POLQ: variants seen among roughly 807,000 people sequenced by gnomAD.
POLQ encodes DNA polymerase theta.
Under a neutral mutation model 259.2 loss-of-function variants are expected in POLQ, and 233 were observed. The observed-to-expected ratio is 0.90, with a 90% CI of 0.81 to 1.00. The LOEUF (loss-of-function observed/expected upper bound fraction) is 1.00. Among genes scored for constraint, POLQ ranks in the 50% least tolerant of loss-of-function variants. The pLI is 0.00. For missense variants in POLQ, 2,871 were observed against 3,051.6 expected (o/e 0.94, Z 1.39); for synonymous variants, 1,025 against 1,048.8 (o/e 0.98, Z 0.44).
chr3:121,489,670 C>A lies in POLQ; in HGVS notation c.3261G>T (p.Lys1087Asn), dbSNP rs1487294187. The change falls in exon 16 of 30, where the codon AAG becomes AAT. Residue 1087 changes from lysine to asparagine, a missense_variant. This residue lies in a region of POLQ where 2,080 missense variants were observed against 2,126.0 expected (regional missense o/e 0.98). Transcript: ENST00000264233. ...GCCCTGAATTTCTAAATTCCGTTTTCTTCTCATCTAAGGTAAACGGGTCTT... is the reference window on the plus strand; with the variant it reads ...GCCCTGAATTTCTAAATTCCGTTTTATTCTCATCTAAGGTAAACGGGTCTT... Reference protein sequence around the residue: ...LCEDPFTLDEKKTEFRNSGPF... With the variant: ...LCEDPFTLDENKTEFRNSGPF... 2 of 1,614,006 alleles carry A rather than the reference C, an allele frequency of 1.2e-6. No individual in the cohort carries two copies. Among genetic ancestry groups the A allele is most frequent in the African/African-American group, 2.7e-5 (2 of 75,054 alleles).
intron 9 of POLQ, among the ~76,000 whole-genome samples, chr3:121,518,787 C>A (rs1433026973): frequency 6.6e-6 from 1 of 151,130 alleles, no homozygotes; most frequent in African/African-American, 2.4e-5. Flanking sequence ...TAATAAAATA[C>A]TGGAGTCAAT....
chr3:121,469,234 T>G (rs574944867), intron 22 of POLQ, among the ~76,000 whole-genome samples: 1 of 151,850 alleles, frequency 6.6e-6, no homozygotes, highest in Admixed American at 6.6e-5. Context: ...TCCAAATATA[T>G]TTTACATCTT....
In POLQ at chr3:121,545,862, G is replaced by C. The variant is rs55943551; in HGVS notation, c.16C>G (p.Arg6Gly). The change falls in exon 1 of 30, where the codon CGG (arginine) becomes GGG (glycine). Residue 6 changes from arginine (R) to glycine (G), a missense_variant. Arg to Gly is a moderately radical substitution (Grantham distance 125). Coordinates refer to ENST00000264233, the MANE Select transcript of POLQ (RefSeq NM_199420.4). MNLLR[R>G]SGKRRRSESG... Reference sequence around the variant, plus strand: ...TCTGAACGCCGCCGTTTCCCACTCCGACGCAGAAGATTCATGGCAAACTCT... The same window carrying C: ...TCTGAACGCCGCCGTTTCCCACTCCCACGCAGAAGATTCATGGCAAACTCT... The C allele has an allele frequency of 1.9e-4, 299 of 1,613,912 alleles. No individual in the cohort carries two copies. In the East Asian group the frequency reaches 5.8e-3, roughly 31 times the overall value.
At chr3:121,510,934 A>G (rs916378984) in intron 10 of POLQ, among the ~76,000 whole-genome samples, 1 of 151,276 alleles carries the variant, frequency 6.6e-6, no homozygotes, top group Admixed American at 6.6e-5. Flanking sequence ...AAATACAAAA[A>G]TTAACTGGGT....
chr3:121,500,006 C>T lies in POLQ; in HGVS notation c.1960-1336G>A, dbSNP rs988329421. Among the ~76,000 whole-genome samples, 3 of 152,128 alleles carry T rather than the reference C, an allele frequency of 2.0e-5. No homozygotes were observed. In the East Asian group the frequency reaches 5.8e-4, roughly 29 times the overall value. ...GTTAAAAGTACAATAACTGGCCAGG[C>T]ACAGTGGCTCATGCCTATAAAGCCA... On this transcript the variant is annotated intron_variant, in intron 12 of 29. Coordinates refer to ENST00000264233, the MANE Select transcript of POLQ (RefSeq NM_199420.4).
At chr3:121,442,921 G>A (rs577995694) in intron 26 of POLQ, among the ~76,000 whole-genome samples, 36 of 152,186 alleles carry the variant, frequency 2.4e-4, no homozygotes, top group Non-Finnish European at 4.0e-4. Context: ...GTGCAGTGGC[G>A]TGACCTCAGC....
chr3:121,498,215 C>T (rs924430032), intron 13 of POLQ, among the ~76,000 whole-genome samples: 16 of 151,822 alleles, frequency 1.1e-4, no homozygotes, highest in African/African-American at 3.9e-4. Flanking sequence ...GAGGCTGAGG[C>T]AGCAGAATCG....
intron 25 of POLQ, 128 bp downstream of exon 25, chr3:121,459,922 G>T (rs1265531613): frequency 1.4e-6 from 1 of 706,808 alleles, no homozygotes; most frequent in Non-Finnish European, 2.5e-6. Context: ...AAGCTCAGAT[G>T]AACTGTGCTT....
intron 12 of POLQ, among the ~76,000 whole-genome samples, chr3:121,506,419 CCCCAG>C (rs1172984899): frequency 1.0e-5 from 1 of 95,738 alleles, no homozygotes; most frequent in African/African-American, 3.0e-5. Flanking sequence ...CCTCACATTC[CCCCAG>C]CCCTGGGTAA....
intron 24 of POLQ, among the ~76,000 whole-genome samples, chr3:121,461,285 G>C (rs1173214823): frequency 6.6e-6 from 1 of 152,156 alleles, no homozygotes; most frequent in Non-Finnish European, 1.5e-5. Flanking sequence ...ACAGACTGCT[G>C]CACAGACTAC....
intron 12 of POLQ, among the ~76,000 whole-genome samples, chr3:121,499,283 T>C (rs76411008): frequency 2.0e-5 from 3 of 151,592 alleles, no homozygotes; most frequent in African/African-American, 4.8e-5. Context: ...TTTTTTTTTT[T>C]TGAGACAAGG....
chr3:121,439,310 A>C (rs572243838), intron 27 of POLQ, among the ~76,000 whole-genome samples: 1 of 151,544 alleles, frequency 6.6e-6, no homozygotes, highest in Non-Finnish European at 1.5e-5. Context: ...GGCTCACTGC[A>C]GCCTCCAATT....
intron 23 of POLQ, 50 bp downstream of exon 23, chr3:121,468,255 T>C (rs750095507): frequency 1.4e-6 from 2 of 1,476,156 alleles, no homozygotes; most frequent in South Asian, 1.2e-5. Context: ...TTTTGAGCCA[T>C]TCATACTTAC....
chr3:121,458,661 G>C (rs954780829), intron 25 of POLQ, among the ~76,000 whole-genome samples: 4 of 152,208 alleles, frequency 2.6e-5, no homozygotes, highest in Non-Finnish European at 5.9e-5. Context: ...CAGACAGAGA[G>C]GACAGAGCTG....
chr3:121,470,257 C>T (rs1393192843), intron 22 of POLQ, among the ~76,000 whole-genome samples: 1 of 151,680 alleles, frequency 6.6e-6, no homozygotes, highest in Non-Finnish European at 1.5e-5. Flanking sequence ...GACTCTGTCT[C>T]AAAAATAAAT....
At chr3:121,505,846 T>TAAA (rs35298276) in intron 12 of POLQ, among the ~76,000 whole-genome samples, 1 of 126,218 alleles carries the variant, frequency 7.9e-6, no homozygotes, top group African/African-American at 3.0e-5. Context: ...CCATCTCTAC[T>TAAA]AAAAAAAAAA....
rs762569773 is a variant in POLQ, at chr3:121,487,524, T to G, written c.5407A>C (p.Ser1803Arg). ...FKDNSPISDTSFSLQLSQDGL... is the reference protein window; with the variant it reads ...FKDNSPISDTRFSLQLSQDGL... ...TCCTGTGATAACTGAAGTGAAAAGCTTGTGTCACTAATAGGGCTGTTGTCT... is the reference window on the plus strand; with the variant it reads ...TCCTGTGATAACTGAAGTGAAAAGCGTGTGTCACTAATAGGGCTGTTGTCT... Residue 1803 changes from serine (S) to arginine (R), a missense_variant, in exon 16 of 30, where the codon AGC (serine) becomes CGC (arginine). By Grantham distance (110) the Ser-to-Arg change is moderately radical (BLOSUM62 -1). Coordinates refer to ENST00000264233, the MANE Select transcript of POLQ (RefSeq NM_199420.4). 1.8e-5 allele frequency: 29 copies of G among 1,613,964 alleles called. No homozygotes were observed. Among genetic ancestry groups the G allele is most frequent in the Non-Finnish European group, 2.3e-5 (27 of 1,179,956 alleles).
chr3:121,487,748 A>G lies in POLQ; in HGVS notation c.5183T>C (p.Ile1728Thr). Residue 1728 changes from isoleucine (I) to threonine (T), a missense_variant, in exon 16 of 30, where the codon ATA (isoleucine) becomes ACA (threonine). Physicochemically the swap from Ile to Thr is moderately conservative, Grantham distance 89. Coordinates refer to ENST00000264233, the MANE Select transcript of POLQ (RefSeq NM_199420.4). Reference sequence around the variant, plus strand: ...AGGAATGAGACCATTATCATCAACTATATTACTTTCTTTACGAGGTAAGAG... The same window carrying G: ...AGGAATGAGACCATTATCATCAACTGTATTACTTTCTTTACGAGGTAAGAG... ...SSLLPRKESNIVDDNGLIPPT... is the reference protein window; with the variant it reads ...SSLLPRKESNTVDDNGLIPPT... 1 of 1,613,104 alleles carries G rather than the reference A, an allele frequency of 6.2e-7. No individual in the cohort carries two copies. The highest frequency in any genetic ancestry group is 8.5e-7 in the Non-Finnish European group (1 of 1,179,292).
intron 25 of POLQ, among the ~76,000 whole-genome samples, chr3:121,451,671 G>A (rs2047678461): frequency 6.6e-6 from 1 of 152,192 alleles, no homozygotes; most frequent in South Asian, 2.1e-4. Flanking sequence ...AGGGGTAACT[G>A]GCCGTGTGAG....
Sources: allele counts gnomAD v4.1 joint callset (sites outside exome capture counted in the v4.1 genomes callset), GRCh38; gene constraint gnomAD v4.1.1; regional missense constraint gnomAD v4.1.1; transcripts MANE v1.5; gene names NCBI Gene and HGNC (gene_info 2026-07-23, HGNC 2026-07-21).